OPA1: variants seen among roughly 807,000 people sequenced by gnomAD.
OPA1 encodes OPA1 mitochondrial dynamin like GTPase.
A neutral mutation model predicts 152.9 loss-of-function variants in OPA1; 59 were observed. The observed-to-expected ratio is 0.39, with a 90% CI of 0.31 to 0.48. OPA1 has a LOEUF of 0.48. Among genes scored for constraint, OPA1 ranks in the 20% least tolerant of loss-of-function variants. The pLI, the probability that OPA1 is intolerant of heterozygous loss-of-function variation, is 0.96. For synonymous variants in OPA1, 400 were observed against 389.9 expected, an observed-to-expected ratio of 1.03 and a Z score of -0.31; for missense variants, 1,008 against 1,216.8, an observed-to-expected ratio of 0.83 and a Z score of 2.55.
At chr3:193,661,889 G>A (rs1469477552) in intron 25 of OPA1, among the ~76,000 whole-genome samples, 1 of 152,070 alleles carries the variant, frequency 6.6e-6, no homozygotes, top group Non-Finnish European at 1.5e-5. Flanking sequence ...TTTATCAAAT[G>A]CTCTTTTTTC....
chr3:193,661,806 A>T (rs185330318), intron 25 of OPA1, among the ~76,000 whole-genome samples: 15 of 152,300 alleles, frequency 9.8e-5, no homozygotes, highest in Admixed American at 2.0e-4. Flanking sequence ...TGAGCTTGGG[A>T]ACACCATTAC....
At chr3:193,684,348 A>G (rs998536064) in intron 29 of OPA1, among the ~76,000 whole-genome samples, 1 of 150,312 alleles carries the variant, frequency 6.7e-6, no homozygotes, top group African/African-American at 2.5e-5. Flanking sequence ...CATAAATATT[A>G]TTTCTTTTTG....
chr3:193,637,999 A>T lies in OPA1; in HGVS notation c.1083A>T (p.Glu361Asp), dbSNP rs755794042. 6.2e-7 allele frequency: 1 copy of T among 1,614,126 alleles called. No individual in the cohort carries two copies. The highest frequency in any genetic ancestry group is 1.1e-5 in the South Asian group (1 of 91,070). ...DQSAGKTSVLEMIAQARIFPR... is the reference protein window; with the variant it reads ...DQSAGKTSVLDMIAQARIFPR... The stretch of plus-strand genomic sequence containing the variant: ...GTGCTGGAAAGACTAGTGTGTTGGA[A>T]ATGATTGCCCAAGCTCGAATATTCC... The change falls in exon 11 of 31, where the codon GAA becomes GAT. Residue 361 changes from glutamate to aspartate, a missense_variant. Glu to Asp is a conservative substitution (Grantham distance 45). Around this residue, in one of 7 missense-constraint regions of OPA1, gnomAD observed 9 missense variants for 34.2 expected, o/e 0.26. Coordinates refer to ENST00000361510, the MANE Select transcript of OPA1 (RefSeq NM_130837.3).
intron 30 of OPA1, among the ~76,000 whole-genome samples, chr3:193,692,968 G>A (rs1721879109): frequency 6.6e-6 from 1 of 152,244 alleles, no homozygotes; most frequent in African/African-American, 2.4e-5. Context: ...CCGTTGTCCA[G>A]GCTGGCATTT....
At chr3:193,644,963 A>G (rs1452070029) in intron 16 of OPA1, among the ~76,000 whole-genome samples, 1 of 151,644 alleles carries the variant, frequency 6.6e-6, no homozygotes, top group Admixed American at 6.6e-5. Flanking sequence ...AAAGGTCTCT[A>G]TGCAAATATG....
intron 30 of OPA1, among the ~76,000 whole-genome samples, 200 bp from the exon 31 acceptor site, chr3:193,694,406 A>T (rs1046690786): frequency 7.2e-5 from 11 of 152,200 alleles, no homozygotes; most frequent in Admixed American, 7.2e-4. Context: ...TAATTTTAGT[A>T]TATGCTTTTA....
At chr3:193,601,477 G>T (rs1215843092) in intron 1 of OPA1, among the ~76,000 whole-genome samples, 1 of 152,164 alleles carries the variant, frequency 6.6e-6, no homozygotes, top group Non-Finnish European at 1.5e-5. Flanking sequence ...TGGAAAAGGG[G>T]GCCACCTAGT....
intron 9 of OPA1, among the ~76,000 whole-genome samples, chr3:193,636,767 C>T (rs1733011522): frequency 6.6e-6 from 1 of 152,146 alleles, no homozygotes; most frequent in South Asian, 2.1e-4. Context: ...CTTGCTTGCA[C>T]GTGCTCTCTG....
At chr3:193,649,544 G>A (rs1711876793) in intron 21 of OPA1, among the ~76,000 whole-genome samples, 1 of 152,120 alleles carries the variant, frequency 6.6e-6, no homozygotes, top group South Asian at 2.1e-4. Context: ...TTCTAATGAA[G>A]ACTGTGGTAT....
At chr3:193,634,044 GTTAA>G (rs988625291) in intron 8 of OPA1, among the ~76,000 whole-genome samples, 2 of 152,052 alleles carry the variant, frequency 1.3e-5, no homozygotes, top group African/African-American at 4.8e-5. Flanking sequence ...ATGATTTCCT[GTTAA>G]TTACTTTGTT....
chr3:193,660,528 CTTTAT>C (rs961418830), intron 25 of OPA1, among the ~76,000 whole-genome samples: 8 of 152,058 alleles, frequency 5.3e-5, no homozygotes, highest in African/African-American at 1.9e-4. Flanking sequence ...GTCCCTATTT[CTTTAT>C]TTTATATTTT....
In OPA1 at chr3:193,617,281, C is replaced by T; in HGVS notation, c.552C>T (p.Thr184=). The T allele has an allele frequency of 6.3e-7, 1 of 1,583,354 alleles. No individual in the cohort carries two copies. The highest frequency in any genetic ancestry group is 1.3e-5 in the African/African-American group (1 of 74,356). Residue 184 remains threonine, a synonymous_variant, in exon 4 of 31, where the codon ACC becomes ACT. Transcript: ENST00000361510. The stretch of plus-strand genomic sequence containing the variant: ...TTAGCTTATTGAAGGACTTTTTTAC[C>T]TCAGGTAAGGAAGAAGCTGTTTGAT... The part of the protein sequence containing the change: ...ESLSLLKDFF[T]SGHKLVSEVI...
At chr3:193,674,215 C>A (rs1246954735) in intron 29 of OPA1, among the ~76,000 whole-genome samples, 1 of 152,190 alleles carries the variant, frequency 6.6e-6, no homozygotes, top group Non-Finnish European at 1.5e-5. Flanking sequence ...CTCCTCTTAT[C>A]CTTCATCCTG....
At chr3:193,681,589 C>A (rs1720142595) in intron 29 of OPA1, among the ~76,000 whole-genome samples, 2 of 152,162 alleles carry the variant, frequency 1.3e-5, no homozygotes, top group African/African-American at 4.8e-5. Flanking sequence ...ACAGTTATTG[C>A]ATTTTTAACA....
At chr3:193,648,255 A>G (rs1318929911) in intron 20 of OPA1, 121 bp downstream of exon 20, 5 of 703,028 alleles carry the variant, frequency 7.1e-6, no homozygotes, top group Non-Finnish European at 1.3e-5. Context: ...TATAACTACT[A>G]ATTTGTAAGA....
At chr3:193,604,501 T>TCAGGTAAGAGGGAAATCCCTTCAG (rs1726922709) in intron 1 of OPA1, among the ~76,000 whole-genome samples, 1 of 152,178 alleles carries the variant, frequency 6.6e-6, no homozygotes, top group South Asian at 2.1e-4. Flanking sequence ...TTTTATCCTC[T>TCAGGTAAGAGGGAAATCCCTTCAG]CAGGTAAGAG....
At chr3:193,619,493 T>C (rs1394108534) in intron 6 of OPA1, 1 of 152,970 alleles carries the variant, frequency 6.5e-6, no homozygotes, top group East Asian at 1.9e-4. Context: ...ATTTATGGTA[T>C]GTTATTTTCA....
chr3:193,650,944 C>A (rs1336898913), intron 21 of OPA1, among the ~76,000 whole-genome samples: 2 of 151,932 alleles, frequency 1.3e-5, no homozygotes, highest in Admixed American at 6.6e-5. Flanking sequence ...CTTCAGAAAT[C>A]AAAGATTTGC....
intron 6 of OPA1, chr3:193,619,770 GTTA>G (rs895555336): frequency 9.2e-5 from 14 of 152,098 alleles, no homozygotes; most frequent in Middle Eastern, 7.0e-3. Context: ...TATACTGGAG[GTTA>G]TTATAGTTTT....
Sources: allele counts gnomAD v4.1 joint callset (sites outside exome capture counted in the v4.1 genomes callset), GRCh38; gene constraint gnomAD v4.1.1; regional missense constraint gnomAD v4.1.1; transcripts MANE v1.5; gene names NCBI Gene and HGNC (gene_info 2026-07-23, HGNC 2026-07-21).